The following DCAKD variants were observed in gnomAD, a reference collection of about 807,000 sequenced individuals.
DCAKD encodes dephospho-CoA kinase domain containing, also known as dephospho-CoA kinase domain-containing protein.
In DCAKD, 15 loss-of-function variants were observed where a neutral mutation model predicts 18.7. The observed-to-expected ratio is 0.80, with a 90% CI of 0.54 to 1.24. DCAKD has a LOEUF of 1.24. Ranked by LOEUF, DCAKD falls within the 50% of genes most tolerant of loss-of-function variation. The pLI, the probability that DCAKD is intolerant of heterozygous loss-of-function variation, is 0.00. For synonymous variants in DCAKD, 130 were observed against 133.0 expected, an observed-to-expected ratio of 0.98 and a Z score of 0.16; for missense variants, 301 against 322.0, an observed-to-expected ratio of 0.93 and a Z score of 0.50.
At chr17:45,042,427 C>T (rs1170663864) in intron 1 of DCAKD, among the ~76,000 whole-genome samples, 1 of 152,238 alleles carries the variant, frequency 6.6e-6, no homozygotes, top group Non-Finnish European at 1.5e-5. Flanking sequence ...AGACCCGCCC[C>T]TGCGTGTGCC....
At chr17:45,031,839 G>A (rs1414007418) in intron 3 of DCAKD, 1 of 985,290 alleles carries the variant, frequency 1.0e-6, no homozygotes, top group East Asian at 1.1e-4. Flanking sequence ...CCAACAGCTG[G>A]TGATCTTATC....
At chr17:45,041,103 C>T (rs535472944) in intron 1 of DCAKD, among the ~76,000 whole-genome samples, 11 of 152,212 alleles carry the variant, frequency 7.2e-5, no homozygotes, top group South Asian at 2.1e-4. Flanking sequence ...CCCCTCGTCC[C>T]GGCCTGGCTT....
At chr17:45,048,628 C>A (rs1346564367) in intron 1 of DCAKD, among the ~76,000 whole-genome samples, 3 of 150,140 alleles carry the variant, frequency 2.0e-5, no homozygotes, top group African/African-American at 7.4e-5. Flanking sequence ...CAGAGCGAGA[C>A]TCCATCTCAA....
intron 4 of DCAKD, among the ~76,000 whole-genome samples, chr17:45,025,808 G>A (rs960614447): frequency 6.9e-6 from 1 of 145,128 alleles, no homozygotes; most frequent in African/African-American, 2.6e-5. Context: ...CTGGAGTGCA[G>A]TGGCGTGATC....
upstream of DCAKD, chr17:45,054,215 A>G: frequency 2.0e-6 from 1 of 500,934 alleles, no homozygotes; most frequent in East Asian, 5.8e-5. Context: ...TACATGTCCC[A>G]TGTTGGGGAA....
Position 45,024,400 on chromosome 17 carries a change from G to A in DCAKD, c.*33C>T. 2 of 1,570,658 alleles carry A rather than the reference G, an allele frequency of 1.3e-6. No homozygotes were observed. The highest frequency in any genetic ancestry group is 1.7e-6 in the Non-Finnish European group (2 of 1,152,740). On this transcript the variant is annotated 3_prime_UTR_variant, in exon 5 of 5. Transcript: ENST00000651974. ...GGCTTCAGCCTCCAAGGAGATAGAT[G>A]GAGGCCTGGGGCTCCCTGCCTTGAG...
rs144904155 is a variant in DCAKD, at chr17:45,060,472, T to C, written c.-118+416A>G. 1.8e-3 allele frequency among the ~76,000 whole-genome samples: 280 copies of C among 151,546 alleles called. 2 individuals carry two copies. Among genetic ancestry groups the C allele is most frequent in the African/African-American group, 6.3e-3 (259 of 41,254 alleles). On this transcript the variant is annotated intron_variant, in intron 1 of 4. Coordinates refer to the DCAKD transcript ENST00000310604. ...TGCAGTGAGCTGTGATCTTGAGCCA[T>C]TGCGCTCCAGCCTGGGCGACAGAAG... is the stretch of plus-strand genomic sequence containing the variant.
chr17:45,036,777 T>G (rs993575436), intron 1 of DCAKD, among the ~76,000 whole-genome samples: 1 of 152,210 alleles, frequency 6.6e-6, no homozygotes, highest in African/African-American at 2.4e-5. Flanking sequence ...TTACCATGTC[T>G]TGGACTTTGT....
intron 3 of DCAKD, among the ~76,000 whole-genome samples, chr17:45,030,788 C>T (rs887518984): frequency 2.0e-5 from 3 of 152,200 alleles, no homozygotes; most frequent in Admixed American, 6.5e-5. Flanking sequence ...GCTGCTTCTC[C>T]CATCAGAGGC....
At chr17:45,039,754 TGA>T (rs1488398172) in intron 1 of DCAKD, among the ~76,000 whole-genome samples, 1 of 152,232 alleles carries the variant, frequency 6.6e-6, no homozygotes, top group Admixed American at 6.5e-5. Context: ...CCAGGGAGGC[TGA>T]GAGTCACACT....
chr17:45,056,462 A>G (rs2053780195), upstream of DCAKD, among the ~76,000 whole-genome samples: 1 of 147,570 alleles, frequency 6.8e-6, no homozygotes, highest in African/African-American at 2.6e-5. Context: ...CTCTGCCTGC[A>G]CTCTTTTTTA....
At chr17:45,033,637 G>A (rs2053221097) in intron 3 of DCAKD, among the ~76,000 whole-genome samples, 1 of 152,112 alleles carries the variant, frequency 6.6e-6, no homozygotes, top group Non-Finnish European at 1.5e-5. Flanking sequence ...GCTAATTTTT[G>A]TATTTTTAGT....
chr17:45,029,512 C>A (rs1376663745), intron 4 of DCAKD, among the ~76,000 whole-genome samples: 1 of 152,220 alleles, frequency 6.6e-6, no homozygotes. Context: ...TTTCCCCCCA[C>A]AGGTTGATCC....
intron 3 of DCAKD, 146 bp downstream of exon 3, chr17:45,034,041 C>A (rs770392685): frequency 1.0e-5 from 16 of 1,597,382 alleles, no homozygotes; most frequent in Non-Finnish European, 1.4e-5. Context: ...TGGTACGGGG[C>A]TCTGTGTGGA....
At chr17:45,031,951 A>C in intron 3 of DCAKD, 2 of 985,434 alleles carry the variant, frequency 2.0e-6, no homozygotes, top group South Asian at 9.4e-5. Context: ...TTTTCACCTT[A>C]TCGAGCTCAA....
intron 1 of DCAKD, among the ~76,000 whole-genome samples, chr17:45,045,541 G>A (rs1400947587): frequency 6.6e-6 from 1 of 152,022 alleles, no homozygotes; most frequent in African/African-American, 2.4e-5. Flanking sequence ...AGACCATCCT[G>A]GCCAATATGG....
intron 4 of DCAKD, chr17:45,026,786 TA>T: frequency 1.0e-6 from 1 of 985,424 alleles, no homozygotes; most frequent in Non-Finnish European, 1.2e-6. Context: ...GAACAAGGAC[TA>T]AATCCAGCCT....
chr17:45,047,880 G>C (rs2053607263), intron 1 of DCAKD, among the ~76,000 whole-genome samples: 1 of 151,994 alleles, frequency 6.6e-6, no homozygotes, highest in South Asian at 2.1e-4. Context: ...ACAAGCATAA[G>C]CCACCACACC....
chr17:45,026,741 T>C (rs2053064109), intron 4 of DCAKD: 2 of 985,442 alleles, frequency 2.0e-6, no homozygotes, highest in Non-Finnish European at 2.4e-6. Context: ...GTCAGTGTAC[T>C]GTGGCCATTG....
Sources: gnomAD v4.1 joint callset for allele counts (sites outside exome capture counted in the v4.1 genomes callset) on GRCh38, gnomAD v4.1.1 for gene constraint, MANE v1.5 for transcripts, NCBI Gene and HGNC (gene_info 2026-07-23, HGNC 2026-07-21) for gene names.